The following SPOCK1 variants were observed in gnomAD, a reference collection of about 807,000 sequenced individuals.
The protein encoded by SPOCK1 is SPARC (osteonectin), cwcv and kazal like domains proteoglycan 1.
A neutral mutation model predicts 55.3 loss-of-function variants in SPOCK1; 23 were observed. The ratio of observed to expected loss-of-function variants is 0.42; its 90% CI spans 0.30 to 0.59. The LOEUF (loss-of-function observed/expected upper bound fraction) is 0.59, where lower values mean the gene tolerates loss of function less well. SPOCK1 is among the 20% of genes least tolerant of loss of function. SPOCK1 has a pLI of 0.22. For missense variants in SPOCK1, 499 were observed against 552.5 expected (o/e 0.90, Z 0.97); for synonymous variants, 226 against 221.0 (o/e 1.02, Z -0.20).
At chr5:137,112,852 G>GA (rs35922878) in intron 4 of SPOCK1, among the ~76,000 whole-genome samples, 3 of 145,222 alleles carry the variant, frequency 2.1e-5, no homozygotes, top group African/African-American at 7.6e-5. Flanking sequence ...GAAAAAAAAA[G>GA]AAAAAAAACG....
At chr5:137,186,118 A>G (rs1312495860) in intron 3 of SPOCK1, among the ~76,000 whole-genome samples, 4 of 152,222 alleles carry the variant, frequency 2.6e-5, no homozygotes, top group Non-Finnish European at 5.9e-5. Flanking sequence ...GGACAGCTGA[A>G]TAGACTTGAG....
chr5:137,037,611 C>G (rs1246012723), intron 6 of SPOCK1, among the ~76,000 whole-genome samples: 1 of 152,144 alleles, frequency 6.6e-6, no homozygotes, highest in Non-Finnish European at 1.5e-5. Context: ...CAACTAAGAT[C>G]AGGGAGGAGC....
rs1580833477 is a variant in SPOCK1, at chr5:137,258,179, T to C, written c.232+8831A>G. 4.6e-5 allele frequency among the ~76,000 whole-genome samples: 7 copies of C among 152,298 alleles called. 1 individual carries two copies. The highest frequency in any genetic ancestry group is 4.6e-4 in the Admixed American group (7 of 15,304). ...TGTAATAAATGTCATAATTTCTATG[T>C]TACAGATAAGAAAACTGAGGTACCC... On this transcript the variant is annotated intron_variant, in intron 3 of 10. Transcript: ENST00000394945.
chr5:137,007,382 T>G (rs544962417), intron 6 of SPOCK1, among the ~76,000 whole-genome samples: 75 of 150,132 alleles, frequency 5.0e-4, no homozygotes, highest in African/African-American at 1.8e-3. Flanking sequence ...TGGGAGAAAA[T>G]TTTTGCAATC....
At chr5:137,013,325 C>G (rs1202826873) in intron 6 of SPOCK1, among the ~76,000 whole-genome samples, 2 of 152,274 alleles carry the variant, frequency 1.3e-5, no homozygotes, top group East Asian at 1.9e-4. Context: ...GAGATCAGAA[C>G]AGACTATCTC....
At chr5:137,495,823 C>T (rs939798400) in intron 2 of SPOCK1, among the ~76,000 whole-genome samples, 3 of 152,196 alleles carry the variant, frequency 2.0e-5, no homozygotes, top group African/African-American at 7.2e-5. Context: ...AGTTCCACAA[C>T]ACTTTAAAGA....
intron 4 of SPOCK1, among the ~76,000 whole-genome samples, chr5:137,123,417 A>G (rs1467494562): frequency 6.6e-6 from 1 of 151,964 alleles, no homozygotes; most frequent in Admixed American, 6.6e-5. Context: ...CTCCACACAC[A>G]TTTGCCCCGT....
Position 137,499,279 on chromosome 5 carries a change from A to G in SPOCK1, c.-101T>C, listed in dbSNP as rs1202443002. ...CGGCTCGCGCCCCTGCGCTCCTGCCACACGCCGCCGCCGAGCGTCTGGCCG... is the reference window on the plus strand; with the variant it reads ...CGGCTCGCGCCCCTGCGCTCCTGCCGCACGCCGCCGCCGAGCGTCTGGCCG... On this transcript the variant is annotated 5_prime_UTR_variant, in exon 1 of 11. Coordinates refer to ENST00000394945, the MANE Select transcript of SPOCK1 (RefSeq NM_004598.4). 8.6e-5 allele frequency: 13 copies of G among 151,854 alleles called. No individual in the cohort carries two copies. Among genetic ancestry groups the G allele is most frequent in the Admixed American group, 6.5e-4 (10 of 15,280 alleles). The allele number at this position is 151,854 out of a possible 1,614,324, so 9.4% of individuals were successfully genotyped here. A position where few individuals can be genotyped will look rare whatever the true frequency, so the allele number is the denominator to read the frequency against.
intron 6 of SPOCK1, among the ~76,000 whole-genome samples, chr5:137,054,554 C>A (rs1381831459): frequency 6.6e-6 from 1 of 152,172 alleles, no homozygotes; most frequent in Non-Finnish European, 1.5e-5. Flanking sequence ...AAGGAGGCAA[C>A]AAACCAGGTG....
intron 2 of SPOCK1, among the ~76,000 whole-genome samples, chr5:137,358,167 A>C (rs570288809): frequency 6.6e-6 from 1 of 151,954 alleles, no homozygotes; most frequent in African/African-American, 2.4e-5. Context: ...TGTGGCTGCT[A>C]TGTGTCCATG....
chr5:137,384,220 G>C (rs1403758328), intron 2 of SPOCK1, among the ~76,000 whole-genome samples: 1 of 152,196 alleles, frequency 6.6e-6, no homozygotes, highest in Non-Finnish European at 1.5e-5. Context: ...TTTGTGGCGG[G>C]AACAAGGCCT....
At chr5:137,247,946 C>G (rs1246272093) in intron 3 of SPOCK1, among the ~76,000 whole-genome samples, 2 of 152,150 alleles carry the variant, frequency 1.3e-5, no homozygotes, top group South Asian at 4.2e-4. Context: ...CTCATTAGGC[C>G]CCACCTCCTA....
At chr5:137,405,070 T>C (rs966551112) in intron 2 of SPOCK1, among the ~76,000 whole-genome samples, 3 of 152,230 alleles carry the variant, frequency 2.0e-5, no homozygotes, top group African/African-American at 7.2e-5. Flanking sequence ...GTATCAAAGA[T>C]GCACGAAGTC....
chr5:137,434,301 C>G (rs2149829896), intron 2 of SPOCK1, among the ~76,000 whole-genome samples: 1 of 152,142 alleles, frequency 6.6e-6, no homozygotes, highest in South Asian at 2.1e-4. Flanking sequence ...GAATTTACCT[C>G]AACTCCTAAA....
At chr5:137,117,804 G>A (rs781060405) in intron 4 of SPOCK1, among the ~76,000 whole-genome samples, 13 of 152,070 alleles carry the variant, frequency 8.5e-5, no homozygotes, top group African/African-American at 1.2e-4. Flanking sequence ...GTGCATCAGC[G>A]GGCTAAGGAT....
chr5:137,042,632 T>A (rs1440704641), intron 6 of SPOCK1, among the ~76,000 whole-genome samples: 1 of 152,068 alleles, frequency 6.6e-6, no homozygotes, highest in Admixed American at 6.6e-5. Context: ...TTGTTTCCCA[T>A]GGAAATAGAG....
intron 5 of SPOCK1, among the ~76,000 whole-genome samples, chr5:137,093,496 C>T (rs996130646): frequency 5.3e-5 from 8 of 152,182 alleles, no homozygotes; most frequent in African/African-American, 1.7e-4. Context: ...TAGACATGGA[C>T]TCTGCCTTTA....
chr5:137,229,208 G>A (rs1300945716), intron 3 of SPOCK1, among the ~76,000 whole-genome samples: 2 of 152,058 alleles, frequency 1.3e-5, no homozygotes, highest in African/African-American at 4.8e-5. Flanking sequence ...TTATAGTTAA[G>A]AACAGTAAGA....
At chr5:137,397,812 T>G (rs545422446) in intron 2 of SPOCK1, among the ~76,000 whole-genome samples, 3 of 152,280 alleles carry the variant, frequency 2.0e-5, no homozygotes, top group South Asian at 4.1e-4. Context: ...CTCTCACATA[T>G]TCAAGATTCA....
Sources: allele counts gnomAD v4.1 joint callset (sites outside exome capture counted in the v4.1 genomes callset), GRCh38; gene constraint gnomAD v4.1.1; transcripts MANE v1.5; gene names NCBI Gene and HGNC (gene_info 2026-07-23, HGNC 2026-07-21).